The following TPTE2 variants were observed in gnomAD, a reference collection of about 807,000 sequenced individuals.
The protein encoded by TPTE2 is phosphatidylinositol 3,4,5-trisphosphate 3-phosphatase TPTE2.
In TPTE2, 53 loss-of-function variants were observed where a neutral mutation model predicts 78.6. The ratio of observed to expected loss-of-function variants is 0.67; its 90% CI spans 0.54 to 0.85. The LOEUF (loss-of-function observed/expected upper bound fraction) is 0.85. Among genes scored for constraint, TPTE2 ranks in the 40% least tolerant of loss-of-function variants. TPTE2 has a pLI of 0.00. For synonymous variants in TPTE2, 175 were observed against 206.2 expected (o/e 0.85, Z 1.30); for missense variants, 461 against 623.0 (o/e 0.74, Z 2.77).
upstream of TPTE2, among the ~76,000 whole-genome samples, chr13:19,504,124 A>T (rs529204821): frequency 6.6e-6 from 1 of 152,236 alleles, no homozygotes; most frequent in South Asian, 2.1e-4. Flanking sequence ...GCAGCGCTAC[A>T]GAATTTAAAT....
the TPTE2 span, among the ~76,000 whole-genome samples, chr13:19,546,370 C>T: frequency 6.6e-5 from 10 of 151,554 alleles, no homozygotes; most frequent in Non-Finnish European, 1.5e-4. Flanking sequence ...CTGGGCCAGG[C>T]ACAGTAGCTC....
At chr13:19,499,937 A>G (rs1881654987) in intron 1 of TPTE2, among the ~76,000 whole-genome samples, 1 of 142,828 alleles carries the variant, frequency 7.0e-6, no homozygotes, top group African/African-American at 2.9e-5. Flanking sequence ...AGAAGAATCT[A>G]TTAAACGCAA....
At chr13:19,551,420 T>C in the TPTE2 span, among the ~76,000 whole-genome samples, 1 of 151,892 alleles carries the variant, frequency 6.6e-6, no homozygotes, top group African/African-American at 2.4e-5. Context: ...CGAAACCCCA[T>C]CTCTACTAAA....
intron 1 of TPTE2, among the ~76,000 whole-genome samples, chr13:19,523,200 C>T (rs140038857): frequency 0.025 from 3,855 of 152,158 alleles, 127 homozygotes; most frequent in African/African-American, 0.074. Context: ...TTGTTTTTCA[C>T]CAAGATTGTA....
intron 1 of TPTE2, among the ~76,000 whole-genome samples, chr13:19,528,880 G>A (rs1277482442): frequency 6.6e-6 from 1 of 152,180 alleles, no homozygotes; most frequent in Non-Finnish European, 1.5e-5. Context: ...AGCACTTTGG[G>A]AGGCTGAGGT....
intron 4 of TPTE2, among the ~76,000 whole-genome samples, chr13:19,478,169 T>G (rs1470707019): frequency 6.6e-6 from 1 of 152,108 alleles, no homozygotes. Context: ...CAGGATCTAA[T>G]TAAACTAAAG....
upstream of TPTE2, among the ~76,000 whole-genome samples, chr13:19,540,759 T>C (rs924604578): frequency 6.6e-6 from 1 of 152,242 alleles, no homozygotes; most frequent in Non-Finnish European, 1.5e-5. Flanking sequence ...TTTTTACATG[T>C]TTGTTGCTAG....
intron 14 of TPTE2, among the ~76,000 whole-genome samples, chr13:19,437,445 C>G (rs1371386186): frequency 1.4e-4 from 21 of 152,242 alleles, no homozygotes; most frequent in Admixed American, 1.4e-3. Flanking sequence ...CTAGAGGTCA[C>G]AGACTCCACA....
chr13:19,448,125 C>T (rs1449890942), intron 13 of TPTE2, among the ~76,000 whole-genome samples: 1 of 152,086 alleles, frequency 6.6e-6, no homozygotes, highest in Admixed American at 6.5e-5. Context: ...ACTGAATATC[C>T]ACTTGCAGAA....
chr13:19,536,789 C>A (rs1176898011), upstream of TPTE2: 2 of 151,952 alleles, frequency 1.3e-5, no homozygotes, highest in Non-Finnish European at 2.9e-5. Flanking sequence ...CAGTCCTTAT[C>A]TGCAAGAGGT....
chr13:19,490,527 C>A (rs1448024089), intron 3 of TPTE2, among the ~76,000 whole-genome samples: 2 of 152,062 alleles, frequency 1.3e-5, no homozygotes, highest in Admixed American at 6.5e-5. Context: ...ACTCCTAAAC[C>A]TCATCCCCAA....
intron 3 of TPTE2, among the ~76,000 whole-genome samples, chr13:19,491,868 G>C (rs564739236): frequency 6.6e-6 from 1 of 151,982 alleles, no homozygotes; most frequent in Non-Finnish European, 1.5e-5. Flanking sequence ...TTGCCCATGC[G>C]TCCAACGTCC....
At chr13:19,504,910 C>T (rs544546463), upstream of TPTE2, among the ~76,000 whole-genome samples, 48 of 152,124 alleles carry the variant, frequency 3.2e-4, no homozygotes, top group African/African-American at 1.1e-3. Context: ...TATATCTGCA[C>T]ATACATTTCT....
At chr13:19,496,411 G>A (rs948851814) in intron 1 of TPTE2, among the ~76,000 whole-genome samples, 1 of 152,112 alleles carries the variant, frequency 6.6e-6, no homozygotes, top group African/African-American at 2.4e-5. Context: ...TACTGTGTAG[G>A]CATTCCTCCT....
chr13:19,452,976 AT>A lies in TPTE2; in HGVS notation c.742-1752del, dbSNP rs1419058526. Among the ~76,000 whole-genome samples the A allele has an allele frequency of 6.7e-3, 519 of 77,120 alleles. 1 individual carries two copies. Among genetic ancestry groups the A allele is most frequent in the African/African-American group, 0.017 (482 of 28,966 alleles). The allele number at this position is 77,120 out of a possible 152,430, so 50.6% of individuals were successfully genotyped here. On this transcript the variant is annotated intron_variant, in intron 10 of 19. Coordinates refer to ENST00000400230, the Ensembl canonical transcript of TPTE2. ...TTTTTATTTTATTTTATTTTATTTT[AT>A]TTTATTTTATTTATTTTATTTTATT...
At chr13:19,487,023 T>G (rs1167813464) in intron 3 of TPTE2, among the ~76,000 whole-genome samples, 1 of 152,166 alleles carries the variant, frequency 6.6e-6, no homozygotes, top group East Asian at 1.9e-4. Context: ...CATGGCTGAT[T>G]GGCTAGTCTG....
chr13:19,474,266 C>T (rs1033710295), intron 5 of TPTE2, among the ~76,000 whole-genome samples, 191 bp from the exon 9 acceptor site: 4 of 152,164 alleles, frequency 2.6e-5, no homozygotes, highest in African/African-American at 9.7e-5. Flanking sequence ...TCACTGTTTT[C>T]ACCCAATAGA....
exon 16 of TPTE2, chr13:19,432,497 T>G (rs754393285): frequency 3.0e-5 from 48 of 1,605,120 alleles, no homozygotes; most frequent in South Asian, 7.8e-5. Flanking sequence ...ATAATGAATC[T>G]TTTTATAAAG....
chr13:19,555,043 A>G, the TPTE2 span, among the ~76,000 whole-genome samples: 1 of 152,208 alleles, frequency 6.6e-6, no homozygotes, highest in Non-Finnish European at 1.5e-5. Context: ...AGTTGCAAGC[A>G]TTTATTAAAT....
Sources: allele counts gnomAD v4.1 joint callset (sites outside exome capture counted in the v4.1 genomes callset), GRCh38; gene constraint gnomAD v4.1.1; transcripts MANE v1.5; gene names NCBI Gene and HGNC (gene_info 2026-07-23, HGNC 2026-07-21).